The following ANKRD30A variants were observed in gnomAD, a reference collection of about 807,000 sequenced individuals.
ANKRD30A encodes ankyrin repeat domain 30A.
ANKRD30A carries 170 observed loss-of-function variants against 166.3 expected under a neutral mutation model. The ratio of observed to expected loss-of-function variants is 1.02; its 90% CI spans 0.90 to 1.16. ANKRD30A has a LOEUF of 1.16. ANKRD30A is among the 50% of genes most tolerant of loss of function. The probability of loss-of-function intolerance (pLI) is 0.00; values close to 1 mark genes in which losing one functional copy is unlikely to be tolerated. For synonymous variants in ANKRD30A, 564 were observed against 508.9 expected (o/e 1.11, Z -1.46); for missense variants, 1,630 against 1,518.0 (o/e 1.07, Z -1.23).
At chr10:37,253,649 C>CTTTTTTTT in the ANKRD30A span, among the ~76,000 whole-genome samples, 1 of 130,060 alleles carries the variant, frequency 7.7e-6, no homozygotes, top group African/African-American at 2.8e-5. Context: ...TTTTCTTTTT[C>CTTTTTTTT]TTTTTTTTTT....
downstream of ANKRD30A, among the ~76,000 whole-genome samples, chr10:37,236,299 C>G (rs1349849092): frequency 6.6e-6 from 1 of 152,126 alleles, no homozygotes; most frequent in African/African-American, 2.4e-5. Context: ...TGACTCATGA[C>G]AACTAATGGG....
In ANKRD30A at chr10:37,219,635, A is replaced by G; in HGVS notation, c.3923A>G (p.Asn1308Ser). The change falls in exon 34 of 36, where the codon AAT (asparagine) becomes AGT (serine). Residue 1308 changes from asparagine to serine, a missense_variant. Physicochemically the swap from Asn to Ser is conservative, Grantham distance 46. Around this residue, in one of 4 missense-constraint regions of ANKRD30A, gnomAD observed 712 missense variants for 629.3 expected, o/e 1.13. Coordinates refer to ENST00000361713, the MANE Select transcript of ANKRD30A (RefSeq NM_052997.3). ...AEHMYQNEQD[N>S]VNKHTEQQES... is the part of the protein sequence containing the mutation. ...CACATGTATCAAAACGAACAAGATAATGTGAACAAACACACTGAACAGCAG... is the reference window on the plus strand; with the variant it reads ...CACATGTATCAAAACGAACAAGATAGTGTGAACAAACACACTGAACAGCAG... The G allele has an allele frequency of 1.2e-6, 2 of 1,610,168 alleles. No individual in the cohort carries two copies. The highest frequency in any genetic ancestry group is 2.2e-5 in the South Asian group (2 of 90,946).
In ANKRD30A at chr10:37,217,681, A is replaced by C; in HGVS notation, c.3084-14A>C. On this transcript the variant is annotated splice_polypyrimidine_tract_variant and intron_variant, in intron 32 of 35. Transcript: ENST00000361713. ...TAACAAAATGAATTTTAAGATAAGT[A>C]TGTTTAATGGCAGATTGACTTTAAA... The C allele has an allele frequency of 6.6e-7, 1 of 1,507,606 alleles. No individual in the cohort carries two copies. The highest frequency in any genetic ancestry group is 1.3e-5 in the South Asian group (1 of 75,364). The allele number at this position is 1,507,606 out of a possible 1,614,324, so 93.4% of individuals were successfully genotyped here. A position where few individuals can be genotyped will look rare whatever the true frequency, so the allele number is the denominator to read the frequency against.
chr10:37,220,271 G>A (rs1183213278), intron 34 of ANKRD30A, among the ~76,000 whole-genome samples: 10 of 150,666 alleles, frequency 6.6e-5, no homozygotes, highest in Non-Finnish European at 1.5e-4. Flanking sequence ...CCACAATGAA[G>A]CAGATGAATG....
chr10:37,143,177 T>C (rs1438299156), intron 7 of ANKRD30A, among the ~76,000 whole-genome samples: 3 of 152,174 alleles, frequency 2.0e-5, no homozygotes, highest in Non-Finnish European at 2.9e-5. Flanking sequence ...CTAAAGAAAC[T>C]TGTGTTTCTG....
At position 37,197,258 on chromosome 10, in the gene ANKRD30A, G is replaced by A. The variant is rs186073835; in HGVS notation, c.2615-23G>A. ...CTTGTCATATTTACTTATGATTGAT[G>A]ATAAATCTCTTTTGCTTTTTAGAGC... On this transcript the variant is annotated intron_variant, in intron 27 of 35. Coordinates refer to ENST00000361713, the MANE Select transcript of ANKRD30A (RefSeq NM_052997.3). The A allele has an allele frequency of 3.5e-4, 482 of 1,390,896 alleles. 2 individuals are homozygous for A. The East Asian group carries it at 6.2e-3, about 18-fold the overall frequency. The allele number at this position is 1,390,896 out of a possible 1,614,324, so 86.2% of individuals were successfully genotyped here. A position where few individuals can be genotyped will look rare whatever the true frequency, so the allele number is the denominator to read the frequency against.
At chr10:37,214,454 T>C (rs146898614) in intron 31 of ANKRD30A, among the ~76,000 whole-genome samples, 488 of 151,138 alleles carry the variant, frequency 3.2e-3, no homozygotes, top group Non-Finnish European at 4.3e-3. Context: ...TGATTTCTAT[T>C]AGTTCCAGAT....
intron 17 of ANKRD30A, among the ~76,000 whole-genome samples, chr10:37,164,582 A>G (rs189243588): frequency 6.6e-6 from 1 of 152,308 alleles, no homozygotes; most frequent in Admixed American, 6.5e-5. Context: ...CTGTCATAGC[A>G]TACGGAAATG....
In ANKRD30A at chr10:37,201,363, A is replaced by G. The variant is rs551668306; in HGVS notation, c.2869+38A>G. 3.6e-5 allele frequency: 52 copies of G among 1,443,594 alleles called. 1 individual carries two copies. The African/African-American group carries it at 7.4e-4, about 20-fold the overall frequency. The allele number at this position is 1,443,594 out of a possible 1,614,324, so 89.4% of individuals were successfully genotyped here. A position where few individuals can be genotyped will look rare whatever the true frequency, so the allele number is the denominator to read the frequency against. On this transcript the variant is annotated intron_variant, in intron 31 of 35. Coordinates refer to ENST00000361713, the MANE Select transcript of ANKRD30A (RefSeq NM_052997.3). ...TTTTATTTAAAAGGTCATTTGACCAAGTATTTCTCTAAAATGATGAGGAAG... is the reference window on the plus strand; with the variant it reads ...TTTTATTTAAAAGGTCATTTGACCAGGTATTTCTCTAAAATGATGAGGAAG...
At chr10:37,214,184 T>C (rs552614695) in intron 31 of ANKRD30A, among the ~76,000 whole-genome samples, 48 of 151,660 alleles carry the variant, frequency 3.2e-4, no homozygotes, top group Middle Eastern at 3.2e-3. Flanking sequence ...TGGTAATATT[T>C]TTGCTATGAA....
At chr10:37,199,681 G>C in intron 29 of ANKRD30A, 46 bp from the exon 30 acceptor site, 1 of 1,251,558 alleles carries the variant, frequency 8.0e-7, no homozygotes, top group Non-Finnish European at 1.2e-6. Flanking sequence ...AAAATGTATA[G>C]TAGAGAAATG....
the ANKRD30A span, among the ~76,000 whole-genome samples, chr10:37,240,469 T>C: frequency 3.3e-5 from 5 of 152,168 alleles, no homozygotes; most frequent in African/African-American, 1.2e-4. Flanking sequence ...ACTTTGTCAT[T>C]GGTTGACTTT....
At chr10:37,243,004 T>TA in the ANKRD30A span, among the ~76,000 whole-genome samples, 2 of 152,232 alleles carry the variant, frequency 1.3e-5, no homozygotes, top group Admixed American at 6.5e-5. Flanking sequence ...TTTCACTTTT[T>TA]ATAATTGATT....
rs1353746136 is a variant in ANKRD30A, at chr10:37,216,183, T to G, written c.2872T>G (p.Ser958Ala). 2.5e-6 allele frequency: 4 copies of G among 1,587,044 alleles called. No homozygotes were observed. Among genetic ancestry groups the G allele is most frequent in the Admixed American group, 3.5e-5 (2 of 56,796 alleles). ...TTTGTATCTCCTCCTTGAGACAGAT[T>G]CAACTAGCCTATCAAAAATCTTGGA... ...MDKISGKLED[S>A]TSLSKILDTV... The change falls in exon 32 of 36, where the codon TCA (serine) becomes GCA (alanine). Residue 958 changes from serine to alanine, a missense_variant and splice_region_variant. This residue lies in a region of ANKRD30A where 712 missense variants were observed against 629.3 expected (regional missense o/e 1.13). Coordinates refer to ENST00000361713, the MANE Select transcript of ANKRD30A (RefSeq NM_052997.3).
the ANKRD30A span, among the ~76,000 whole-genome samples, chr10:37,255,137 C>G: frequency 6.6e-6 from 1 of 152,074 alleles, no homozygotes; most frequent in Non-Finnish European, 1.5e-5. Context: ...TATTTTTTAT[C>G]CTAAGAGTTT....
At chr10:37,212,768 C>T (rs1842406214) in intron 31 of ANKRD30A, among the ~76,000 whole-genome samples, 2 of 151,936 alleles carry the variant, frequency 1.3e-5, no homozygotes, top group South Asian at 4.2e-4. Flanking sequence ...GGTCGAGTTT[C>T]AGTTTTCTGC....
intron 18 of ANKRD30A, 137 bp from the exon 19 acceptor site, chr10:37,166,468 A>G: frequency 1.3e-6 from 1 of 778,046 alleles, no homozygotes; most frequent in Non-Finnish European, 2.0e-6. Flanking sequence ...TGTTTTCTAC[A>G]TGTATCTGCT....
chr10:37,151,297 G>A (rs1254094832), intron 11 of ANKRD30A, among the ~76,000 whole-genome samples: 2 of 152,074 alleles, frequency 1.3e-5, no homozygotes, highest in Non-Finnish European at 2.9e-5. Flanking sequence ...AACTCGTCAA[G>A]TCTTGAGTGG....
chr10:37,142,364 A>G, intron 7 of ANKRD30A, 74 bp downstream of exon 7: 1 of 1,372,530 alleles, frequency 7.3e-7, no homozygotes, highest in South Asian at 1.5e-5. Context: ...GTGATATGGG[A>G]GTAGTTGGGA....
Sources: allele counts gnomAD v4.1 joint callset (sites outside exome capture counted in the v4.1 genomes callset), GRCh38; gene constraint gnomAD v4.1.1; regional missense constraint gnomAD v4.1.1; transcripts MANE v1.5; gene names NCBI Gene and HGNC (gene_info 2026-07-23, HGNC 2026-07-21).